The following DCC variants were observed in gnomAD, a reference collection of about 807,000 sequenced individuals.
DCC encodes netrin receptor DCC.
Under a neutral mutation model 172.5 loss-of-function variants are expected in DCC, and 58 were observed. The observed-to-expected ratio is 0.34, with a 90% confidence interval of 0.27 to 0.42. The LOEUF (loss-of-function observed/expected upper bound fraction) is 0.42. DCC is among the 10% of genes least tolerant of loss of function. The pLI, the probability that DCC is intolerant of heterozygous loss-of-function variation, is 1.00. For missense variants in DCC, 1,740 were observed against 1,791.0 expected, an observed-to-expected ratio of 0.97 and a Z score of 0.51; for synonymous variants, 709 against 644.5, an observed-to-expected ratio of 1.10 and a Z score of -1.52.
chr18:52,549,611 A>T (rs1046218716), intron 1 of DCC, among the ~76,000 whole-genome samples: 5 of 152,082 alleles, frequency 3.3e-5, no homozygotes, highest in African/African-American at 1.2e-4. Flanking sequence ...ATACTAGAGT[A>T]ATAAGGTAAC....
At chr18:52,438,380 G>A (rs529030526) in intron 1 of DCC, among the ~76,000 whole-genome samples, 1 of 151,954 alleles carries the variant, frequency 6.6e-6, no homozygotes, top group Non-Finnish European at 1.5e-5. Flanking sequence ...ATGTTATGTT[G>A]GGTTACTAAG....
At chr18:52,529,184 A>C (rs1211600457) in intron 1 of DCC, among the ~76,000 whole-genome samples, 3 of 152,264 alleles carry the variant, frequency 2.0e-5, no homozygotes, top group African/African-American at 7.2e-5. Flanking sequence ...AAGTATCTAC[A>C]AAAATTAATT....
At chr18:52,989,535 A>G (rs2145619038) in intron 5 of DCC, among the ~76,000 whole-genome samples, 1 of 152,280 alleles carries the variant, frequency 6.6e-6, no homozygotes, top group African/African-American at 2.4e-5. Flanking sequence ...AAGAAAAAAA[A>G]TTGTTTCCTT....
rs149317485 is a variant in DCC at position 52,417,097 on chromosome 18, A to G, written c.91+76219A>G. 2.6e-3 allele frequency among the ~76,000 whole-genome samples: 403 copies of G among 152,090 alleles called. 8 individuals are homozygous for G. In the East Asian group the frequency reaches 0.045, roughly 17 times the overall value. On this transcript the variant is annotated intron_variant, in intron 1 of 28. Coordinates refer to ENST00000442544, the MANE Select transcript of DCC (RefSeq NM_005215.4). Reference sequence around the variant, plus strand: ...TGACAAAATCTCTCAACATTTGCTTATCTGTAAAGTATTTTATTTCTCCTT... The same window carrying G: ...TGACAAAATCTCTCAACATTTGCTTGTCTGTAAAGTATTTTATTTCTCCTT...
At chr18:53,094,109 C>A (rs1402564505) in intron 7 of DCC, among the ~76,000 whole-genome samples, 4 of 152,258 alleles carry the variant, frequency 2.6e-5, no homozygotes, top group Middle Eastern at 6.8e-3. Flanking sequence ...TAACCCATTT[C>A]ATTTTGTGGT....
At chr18:52,704,471 T>A (rs2036174029) in intron 1 of DCC, among the ~76,000 whole-genome samples, 1 of 152,240 alleles carries the variant, frequency 6.6e-6, no homozygotes, top group Admixed American at 6.5e-5. Context: ...CAGACTGTTT[T>A]CAATTATATT....
At chr18:52,910,235 A>T (rs551367082) in intron 3 of DCC, among the ~76,000 whole-genome samples, 19 of 152,246 alleles carry the variant, frequency 1.2e-4, no homozygotes, top group Non-Finnish European at 2.4e-4. Context: ...CCAGACTCTG[A>T]CAGAAGCTGG....
intron 1 of DCC, among the ~76,000 whole-genome samples, chr18:52,392,410 T>A (rs1220188631): frequency 6.6e-6 from 1 of 152,126 alleles, no homozygotes; most frequent in Non-Finnish European, 1.5e-5. Context: ...ATTAATAGGA[T>A]GACTGCACAT....
At chr18:52,511,493 T>C (rs1264209811) in intron 1 of DCC, among the ~76,000 whole-genome samples, 1 of 152,046 alleles carries the variant, frequency 6.6e-6, no homozygotes, top group Admixed American at 6.6e-5. Flanking sequence ...TGGGAAGGGG[T>C]TGAGGTTGTA....
chr18:52,474,239 AGAGAAAGAG>A (rs1263207998), intron 1 of DCC, among the ~76,000 whole-genome samples: 1 of 73,386 alleles, frequency 1.4e-5, no homozygotes, highest in African/African-American at 3.7e-5. Flanking sequence ...AGAGAGAGAG[AGAGAAAGAG>A]AGAGAAGCAA....
At chr18:53,123,200 T>A (rs2043506994) in intron 7 of DCC, among the ~76,000 whole-genome samples, 1 of 152,042 alleles carries the variant, frequency 6.6e-6, no homozygotes, top group Non-Finnish European at 1.5e-5. Flanking sequence ...GGAAAATATG[T>A]AACAGAGGAT....
chr18:53,322,463 C>T (rs1223234003), intron 14 of DCC, among the ~76,000 whole-genome samples: 1 of 152,000 alleles, frequency 6.6e-6, no homozygotes, highest in African/African-American at 2.4e-5. Flanking sequence ...AATAACTGAC[C>T]TTAACCATTT....
chr18:52,646,628 T>C (rs1370345743), intron 1 of DCC, among the ~76,000 whole-genome samples: 1 of 152,182 alleles, frequency 6.6e-6, no homozygotes, highest in Non-Finnish European at 1.5e-5. Flanking sequence ...TTTACTTATG[T>C]TTGCTGGTGT....
intron 1 of DCC, among the ~76,000 whole-genome samples, chr18:52,480,145 A>G (rs2029896518): frequency 6.6e-6 from 1 of 152,200 alleles, no homozygotes. Context: ...TTAAATCTAA[A>G]GGACTTTCTC....
intron 5 of DCC, among the ~76,000 whole-genome samples, chr18:52,990,574 T>G (rs1434592874): frequency 7.3e-6 from 1 of 136,106 alleles, no homozygotes; most frequent in South Asian, 2.3e-4. Context: ...AAAGCAAAGC[T>G]CCTTTTTTGC....
At chr18:53,446,659 A>G (rs1408734047) in intron 22 of DCC, among the ~76,000 whole-genome samples, 2 of 152,108 alleles carry the variant, frequency 1.3e-5, no homozygotes, top group African/African-American at 4.8e-5. Context: ...GTAACCCCCA[A>G]ATCAATACTC....
At chr18:52,936,923 T>C (rs2040389975) in intron 5 of DCC, among the ~76,000 whole-genome samples, 1 of 152,170 alleles carries the variant, frequency 6.6e-6, no homozygotes, top group African/African-American at 2.4e-5. Flanking sequence ...TAAATAAATG[T>C]TTTTCTGATT....
At position 53,513,430 on chromosome 18, in the gene DCC, A is replaced by G. The variant is rs540129790; in HGVS notation, c.4112-13187A>G. ...CTAACGAGCAAAATCACCAGCTAAC[A>G]TCATAATGACAGGATCAAATTCACA... On this transcript the variant is annotated intron_variant, in intron 27 of 28. Transcript: ENST00000442544. 2.0e-5 allele frequency among the ~76,000 whole-genome samples: 3 copies of G among 152,344 alleles called. No individual in the cohort carries two copies. In the East Asian group the frequency reaches 5.8e-4, roughly 29 times the overall value.
intron 1 of DCC, among the ~76,000 whole-genome samples, chr18:52,728,545 C>A (rs988197012): frequency 2.0e-5 from 3 of 152,112 alleles, no homozygotes; most frequent in African/African-American, 7.2e-5. Context: ...ACAAGTACAA[C>A]CCATATGAGA....
Sources: gnomAD v4.1 joint callset for allele counts (sites outside exome capture counted in the v4.1 genomes callset) on GRCh38, gnomAD v4.1.1 for gene constraint, MANE v1.5 for transcripts, NCBI Gene and HGNC (gene_info 2026-07-23, HGNC 2026-07-21) for gene names.